ARFGEF1: variants seen among roughly 807,000 people sequenced by gnomAD.
The protein encoded by ARFGEF1 is ARF guanine nucleotide exchange factor 1, also known as brefeldin A-inhibited guanine nucleotide-exchange protein 1.
In ARFGEF1, 42 loss-of-function variants were observed where a neutral mutation model predicts 231.0. The observed-to-expected ratio is 0.18, with a 90% confidence interval of 0.14 to 0.24. The LOEUF (loss-of-function observed/expected upper bound fraction) is 0.24, where lower values mean the gene tolerates loss of function less well. Ranked by LOEUF, ARFGEF1 falls within the 10% of genes least tolerant of loss-of-function variation. The probability of loss-of-function intolerance (pLI) is 1.00; values close to 1 mark genes in which losing one functional copy is unlikely to be tolerated. For missense variants in ARFGEF1, 1,345 were observed against 2,192.0 expected, an observed-to-expected ratio of 0.61 and a Z score of 7.72; for synonymous variants, 710 against 732.3, an observed-to-expected ratio of 0.97 and a Z score of 0.49.
At chr8:67,200,949 A>G (rs979281581) in intron 37 of ARFGEF1, among the ~76,000 whole-genome samples, 9 of 152,230 alleles carry the variant, frequency 5.9e-5, no homozygotes, top group Non-Finnish European at 1.0e-4. Flanking sequence ...TGATCCCTTA[A>G]AATTCTAAAA....
chr8:67,275,909 A>T (rs939433113), intron 9 of ARFGEF1, 67 bp downstream of exon 9: 82 of 1,581,196 alleles, frequency 5.2e-5, no homozygotes, highest in Non-Finnish European at 6.6e-5. Flanking sequence ...AAATCCAAAC[A>T]TTACCTTAAC....
chr8:67,267,008 A>AT (rs771021272), intron 12 of ARFGEF1, 24 bp from the exon 13 acceptor site: 10 of 1,607,900 alleles, frequency 6.2e-6, no homozygotes, highest in East Asian at 2.2e-5. Context: ...CAAAAACAAA[A>AT]TTTTTTTTAA....
intron 5 of ARFGEF1, chr8:67,190,823 G>C: frequency 1.7e-6 from 2 of 1,175,196 alleles, no homozygotes; most frequent in Non-Finnish European, 2.5e-6. Flanking sequence ...GTTCTGACCT[G>C]TGCTAAATCT....
intron 7 of ARFGEF1, among the ~76,000 whole-genome samples, chr8:67,287,081 T>C (rs1240173887): frequency 6.6e-6 from 1 of 152,166 alleles, no homozygotes; most frequent in Non-Finnish European, 1.5e-5. Context: ...TGCCTATCCT[T>C]AGAAAGGCCT....
At chr8:67,176,998 G>A (rs538377324) in intron 5 of ARFGEF1, among the ~76,000 whole-genome samples, 101 of 150,642 alleles carry the variant, frequency 6.7e-4, no homozygotes, top group African/African-American at 2.2e-3. Flanking sequence ...TTGAACCCAG[G>A]AGGTGGAGGT....
chr8:67,211,951 C>A (rs1372077606), intron 33 of ARFGEF1, among the ~76,000 whole-genome samples: 2 of 152,142 alleles, frequency 1.3e-5, no homozygotes, highest in African/African-American at 4.8e-5. Context: ...AGAAAAGGAT[C>A]TTCTGTCACC....
chr8:67,256,670 C>A (rs939652857), intron 17 of ARFGEF1, among the ~76,000 whole-genome samples: 12 of 151,866 alleles, frequency 7.9e-5, no homozygotes, highest in African/African-American at 2.9e-4. Context: ...GTAATTTTAC[C>A]CAAGGATGTC....
intron 6 of ARFGEF1, 114 bp from the exon 7 acceptor site, chr8:67,288,179 A>AAT (rs1805840600): frequency 3.7e-6 from 2 of 545,774 alleles, no homozygotes; most frequent in Non-Finnish European, 6.2e-6. Context: ...AAAAAAATCA[A>AAT]ATAGATAACA....
chr8:67,192,453 T>G (rs1836624217), intron 5 of ARFGEF1, among the ~76,000 whole-genome samples: 2 of 152,248 alleles, frequency 1.3e-5, no homozygotes, highest in South Asian at 4.1e-4. Flanking sequence ...AGTCTAGTTA[T>G]CAATGTGTGA....
At chr8:67,194,581 G>A (rs1212838255), downstream of ARFGEF1, among the ~76,000 whole-genome samples, 1 of 151,798 alleles carries the variant, frequency 6.6e-6, no homozygotes, top group Non-Finnish European at 1.5e-5. Context: ...TTTTTCAGAA[G>A]GTTTTTAATG....
At chr8:67,257,052 C>T (rs1041340003) in intron 17 of ARFGEF1, among the ~76,000 whole-genome samples, 3 of 151,998 alleles carry the variant, frequency 2.0e-5, no homozygotes, top group Non-Finnish European at 2.9e-5. Context: ...GAGTTCATTA[C>T]GCTAATCCCT....
chr8:67,269,806 A>T (rs1363879994), intron 10 of ARFGEF1, among the ~76,000 whole-genome samples: 1 of 152,208 alleles, frequency 6.6e-6, no homozygotes, highest in Non-Finnish European at 1.5e-5. Flanking sequence ...TGTAATGAGA[A>T]TCTGACATCT....
At chr8:67,181,013 A>G in intron 5 of ARFGEF1, among the ~76,000 whole-genome samples, 1 of 151,712 alleles carries the variant, frequency 6.6e-6, no homozygotes. Context: ...AAATTAACTT[A>G]TATTTTTCTC....
intron 22 of ARFGEF1, among the ~76,000 whole-genome samples, 174 bp downstream of exon 22, chr8:67,238,169 T>C (rs1405674092): frequency 6.6e-6 from 1 of 152,244 alleles, no homozygotes; most frequent in African/African-American, 2.4e-5. Context: ...TCATTTAATG[T>C]TGCAAACCAG....
At chr8:67,211,365 A>AT in intron 34 of ARFGEF1, 118 bp downstream of exon 34, 3 of 609,396 alleles carry the variant, frequency 4.9e-6, no homozygotes, top group Non-Finnish European at 7.2e-6. Flanking sequence ...AAAAAAAAAA[A>AT]GAAGTGATGA....
chr8:67,316,997 T>C (rs1807348247), intron 1 of ARFGEF1, among the ~76,000 whole-genome samples: 1 of 152,186 alleles, frequency 6.6e-6, no homozygotes, highest in South Asian at 2.1e-4. Flanking sequence ...GATTCAATCA[T>C]GTGACCAATG....
intron 19 of ARFGEF1, among the ~76,000 whole-genome samples, chr8:67,244,266 A>AAAAAAAAAAAAAAAAAAAAAACAAAAC (rs1563860748): frequency 1.7e-4 from 3 of 17,208 alleles, no homozygotes; most frequent in African/African-American, 8.8e-4. Context: ...AAAAAAAAAA[A>AAAAAAAAAAAAAAAAAAAAAACAAAAC]AACATTCGAC....
intron 33 of ARFGEF1, among the ~76,000 whole-genome samples, chr8:67,213,275 A>G (rs992728900): frequency 2.6e-5 from 4 of 152,238 alleles, no homozygotes; most frequent in Admixed American, 6.5e-5. Context: ...TGGCTTTAAA[A>G]TTCAAAGGTA....
At chr8:67,258,007 TCTG>T in intron 16 of ARFGEF1, 75 bp downstream of exon 16, 1 of 1,351,648 alleles carries the variant, frequency 7.4e-7, no homozygotes, top group Non-Finnish European at 1.0e-6. Context: ...GGTCCTATTA[TCTG>T]TAAATCCCTG....
Sources: gnomAD v4.1 joint callset for allele counts (sites outside exome capture counted in the v4.1 genomes callset) on GRCh38, gnomAD v4.1.1 for gene constraint, MANE v1.5 for transcripts, NCBI Gene and HGNC (gene_info 2026-07-23, HGNC 2026-07-21) for gene names.